GCLC: variants seen among roughly 807,000 people sequenced by gnomAD.
The protein encoded by GCLC is glutamate-cysteine ligase catalytic subunit.
GCLC carries 30 observed loss-of-function variants against 81.5 expected under a neutral mutation model. That is an observed-to-expected ratio of 0.37 (90% confidence interval 0.28 to 0.50). The LOEUF is 0.50. GCLC is among the 20% of genes least tolerant of loss of function. The pLI is 0.96. For missense variants in GCLC, 556 were observed against 777.4 expected, an observed-to-expected ratio of 0.72 and a Z score of 3.39; for synonymous variants, 262 against 273.3, an observed-to-expected ratio of 0.96 and a Z score of 0.41.
chr6:53,514,416 C>T, intron 5 of GCLC, 23 bp downstream of exon 5: 1 of 1,603,034 alleles, frequency 6.2e-7, no homozygotes, highest in Non-Finnish European at 8.5e-7. Flanking sequence ...CTCTCCCACC[C>T]CACCACCTCT....
intron 1 of GCLC, among the ~76,000 whole-genome samples, chr6:53,529,318 T>C (rs1309817236): frequency 6.6e-6 from 1 of 152,192 alleles, no homozygotes; most frequent in Non-Finnish European, 1.5e-5. Context: ...TGAATTTACA[T>C]TGGTTGATTT....
At chr6:53,522,058 T>C (rs1352587805) in intron 2 of GCLC, among the ~76,000 whole-genome samples, 1 of 152,262 alleles carries the variant, frequency 6.6e-6, no homozygotes, top group Non-Finnish European at 1.5e-5. Context: ...ATCCCAGTTA[T>C]ACGCTTCTGC....
At chr6:53,520,453 C>G (rs1438416775) in intron 3 of GCLC, among the ~76,000 whole-genome samples, 1 of 152,214 alleles carries the variant, frequency 6.6e-6, no homozygotes, top group Non-Finnish European at 1.5e-5. Flanking sequence ...AGGGTCAGAA[C>G]TGTGTGGCAG....
intron 8 of GCLC, 108 bp from the exon 9 acceptor site, chr6:53,507,726 G>A (rs906293381): frequency 2.1e-6 from 1 of 484,234 alleles, no homozygotes; most frequent in Non-Finnish European, 3.5e-6. Flanking sequence ...CAGAAAAAAA[G>A]TTAGTGAGCC....
chr6:53,528,306 A>T (rs370059048), intron 1 of GCLC, among the ~76,000 whole-genome samples: 21 of 152,222 alleles, frequency 1.4e-4, no homozygotes, highest in East Asian at 5.8e-4. Flanking sequence ...ATGTCTAATG[A>T]TGACATCACA....
rs2127633135 is a variant in GCLC, at chr6:53,544,650, G to GCCCCCT, written c.-11_-6dup. Reference sequence around the variant, plus strand: ...GCCCTGGGACAGCAGCCCCATGGCCGCCCCCTCCTCCTCCTCCTCCTCCTC... The same window carrying GCCCCCT: ...GCCCTGGGACAGCAGCCCCATGGCCGCCCCCTCCCCCTCCTCCTCCTCCTCCTCCTC... On this transcript the variant is annotated 5_prime_UTR_variant, in exon 1 of 16. Transcript: ENST00000650454. 6.8e-7 allele frequency: 1 copy of GCCCCCT among 1,467,446 alleles called. No individual in the cohort carries two copies. The highest frequency in any genetic ancestry group is 9.0e-7 in the Non-Finnish European group (1 of 1,105,700). 90.9% of individuals were successfully genotyped at this position (1,467,446 alleles called of 1,614,324 possible).
chr6:53,543,683 T>A (rs564075774), intron 1 of GCLC, among the ~76,000 whole-genome samples: 1 of 152,236 alleles, frequency 6.6e-6, no homozygotes, highest in East Asian at 1.9e-4. Context: ...GCACAAAAAG[T>A]TTTGGCAGAT....
intron 6 of GCLC, 55 bp downstream of exon 6, chr6:53,514,149 T>C (rs780285300): frequency 9.5e-6 from 15 of 1,575,830 alleles, no homozygotes; most frequent in Non-Finnish European, 1.2e-5. Context: ...TATAAAGAAG[T>C]TAAAAAACAG....
intron 1 of GCLC, among the ~76,000 whole-genome samples, chr6:53,541,216 C>CA (rs143431923): frequency 0.043 from 6,434 of 151,060 alleles, 194 homozygotes; most frequent in Middle Eastern, 0.088. Flanking sequence ...GACTCCGTCT[C>CA]AAAAAAAAGA....
chr6:53,522,061 G>A (rs1022028094), intron 2 of GCLC, among the ~76,000 whole-genome samples: 1 of 152,160 alleles, frequency 6.6e-6, no homozygotes, highest in Non-Finnish European at 1.5e-5. Flanking sequence ...CCAGTTATAC[G>A]CTTCTGCAAT....
rs202022252 is a variant in GCLC at position 53,514,517 on chromosome 6, G to A, written c.561-20C>T. ...AAGGTACTAAAACAGACAACCAAACGTCATAAATTGGTCACCTAAGAGTCA... is the reference window on the plus strand; with the variant it reads ...AAGGTACTAAAACAGACAACCAAACATCATAAATTGGTCACCTAAGAGTCA... On this transcript the variant is annotated intron_variant, in intron 4 of 15. Transcript: ENST00000650454. 103 of 1,590,906 alleles carry A rather than the reference G, an allele frequency of 6.5e-5. 1 individual carries two copies. The Middle Eastern group carries it at 9.9e-4, about 15-fold the overall frequency.
rs1764429538 is a variant in GCLC, at chr6:53,498,712, T to C, written c.*44A>G. 1 of 1,193,508 alleles carries C rather than the reference T, an allele frequency of 8.4e-7. No homozygotes were observed. Among genetic ancestry groups the C allele is most frequent in the African/African-American group, 1.5e-5 (1 of 66,810 alleles). The allele number at this position is 1,193,508 out of a possible 1,614,324, so 73.9% of individuals were successfully genotyped here. A position where few individuals can be genotyped will look rare whatever the true frequency, so the allele number is the denominator to read the frequency against. On this transcript the variant is annotated 3_prime_UTR_variant, in exon 16 of 16. Coordinates refer to ENST00000650454, the MANE Select transcript of GCLC (RefSeq NM_001498.4). ...ACGGGCTGGCTGAGAGGCATGGTAC[T>C]GTAGCCAGTTCGTCAATAATGCATT...
intron 1 of GCLC, among the ~76,000 whole-genome samples, chr6:53,533,604 T>C (rs1188341616): frequency 2.0e-5 from 3 of 152,202 alleles, no homozygotes; most frequent in Admixed American, 1.3e-4. Flanking sequence ...TGGTAGAATT[T>C]ACCGATTTTC....
chr6:53,508,827 C>CTCCACT (rs3830797), intron 7 of GCLC, 116 bp from the exon 8 acceptor site: 5 of 643,300 alleles, frequency 7.8e-6, no homozygotes, highest in Admixed American at 4.8e-5. Context: ...CCATACAGAG[C>CTCCACT]ACATGTACCT....
chr6:53,517,482 G>C (rs17886088), intron 3 of GCLC, among the ~76,000 whole-genome samples: 2,178 of 152,030 alleles, frequency 0.014, 25 homozygotes, highest in Middle Eastern at 0.086. Flanking sequence ...GTAAACAATT[G>C]AAGGTAGTGA....
At position 53,515,698 on chromosome 6, in the gene GCLC, C is replaced by T. The variant is rs549231587; in HGVS notation, c.560+411G>A. Among the ~76,000 whole-genome samples the T allele has an allele frequency of 5.9e-5, 9 of 152,026 alleles. No individual in the cohort carries two copies. In the East Asian group the frequency reaches 1.7e-3, roughly 29 times the overall value. On this transcript the variant is annotated intron_variant, in intron 4 of 15. Coordinates refer to ENST00000650454, the MANE Select transcript of GCLC (RefSeq NM_001498.4). Reference sequence around the variant, plus strand: ...CCTATTATATATATCAGGTACTGCACCTATTTTATAAGTTATATAGAGTAA... The same window carrying T: ...CCTATTATATATATCAGGTACTGCATCTATTTTATAAGTTATATAGAGTAA...
intron 3 of GCLC, among the ~76,000 whole-genome samples, chr6:53,518,935 A>G (rs1762935406): frequency 6.6e-6 from 1 of 152,170 alleles, no homozygotes; most frequent in Non-Finnish European, 1.5e-5. Context: ...TTCTCTCCCC[A>G]GCAGTTCACT....
At chr6:53,538,578 G>C (rs577393582) in intron 1 of GCLC, among the ~76,000 whole-genome samples, 1 of 152,182 alleles carries the variant, frequency 6.6e-6, no homozygotes, top group South Asian at 2.1e-4. Context: ...TGATCTGCCT[G>C]CCTCGGCCTC....
chr6:53,534,849 T>C (rs1763233473), intron 1 of GCLC, among the ~76,000 whole-genome samples: 1 of 152,226 alleles, frequency 6.6e-6, no homozygotes, highest in Admixed American at 6.5e-5. Context: ...ATTCATATAC[T>C]TGAAGACTCA....
Sources: gnomAD v4.1 joint callset for allele counts (sites outside exome capture counted in the v4.1 genomes callset) on GRCh38, gnomAD v4.1.1 for gene constraint, MANE v1.5 for transcripts, NCBI Gene and HGNC (gene_info 2026-07-23, HGNC 2026-07-21) for gene names.